The following PPIP5K2 variants were observed in gnomAD, a reference collection of about 807,000 sequenced individuals.
The protein encoded by PPIP5K2 is inositol hexakisphosphate and diphosphoinositol-pentakisphosphate kinase 2.
Under a neutral mutation model 154.6 loss-of-function variants are expected in PPIP5K2, and 105 were observed. That is an observed-to-expected ratio of 0.68 (90% CI 0.58 to 0.80). The LOEUF is 0.80. PPIP5K2 is among the 30% of genes least tolerant of loss of function. PPIP5K2 has a pLI of 0.00. For synonymous variants in PPIP5K2, 480 were observed against 490.3 expected, an observed-to-expected ratio of 0.98 and a Z score of 0.28; for missense variants, 992 against 1,504.6, an observed-to-expected ratio of 0.66 and a Z score of 5.64.
intron 19 of PPIP5K2, among the ~76,000 whole-genome samples, chr5:103,171,082 T>G (rs1425061728): frequency 6.6e-6 from 1 of 151,550 alleles, no homozygotes; most frequent in Non-Finnish European, 1.5e-5. Flanking sequence ...GCTATGTGAA[T>G]TATGTAATTC....
In PPIP5K2 at chr5:103,208,441, C is replaced by G. The variant is rs1197559810; in HGVS notation, c.*6807C>G. 6.6e-6 allele frequency: 1 copy of G among 152,162 alleles called. No homozygotes were observed. Among genetic ancestry groups the G allele is most frequent in the Non-Finnish European group, 1.5e-5 (1 of 68,050 alleles). 9.4% of individuals were successfully genotyped at this position (152,162 alleles called of 1,614,324 possible). A position where few individuals can be genotyped will look rare whatever the true frequency, so the allele number is the denominator to read the frequency against. On this transcript the variant is annotated 3_prime_UTR_variant, in exon 31 of 31. Transcript: ENST00000358359. ...TCCTACCAAGGTGACAGTGAATCTC[C>G]TTATGACAGGATTGTGGGTCTGAGA...
At chr5:103,170,024 C>A (rs1554219121) in intron 19 of PPIP5K2, among the ~76,000 whole-genome samples, 1 of 151,456 alleles carries the variant, frequency 6.6e-6, no homozygotes, top group Non-Finnish European at 1.5e-5. Context: ...TTTAATCTCA[C>A]CCCTCTACTG....
In PPIP5K2 at chr5:103,149,990, C is replaced by T. The variant is rs546181336; in HGVS notation, c.906+677C>T. Among the ~76,000 whole-genome samples the T allele has an allele frequency of 8.5e-5, 13 of 152,112 alleles. No homozygotes were observed. The South Asian group carries it at 1.0e-3, about 12-fold the overall frequency. On this transcript the variant is annotated intron_variant, in intron 8 of 30. Transcript: ENST00000358359. ...AATTACAGGTGTGAGCCACTGCACC[C>T]GGCCAAAACCATTTCTTGAAAAAAA...
intron 1 of PPIP5K2, 52 bp downstream of exon 1, chr5:103,120,540 A>G (rs951764414): frequency 4.4e-6 from 2 of 456,378 alleles, no homozygotes; most frequent in Admixed American, 2.3e-5. Flanking sequence ...TGATCATGCC[A>G]GGGTTGAGGC....
Position 103,129,491 on chromosome 5 carries a change from TC to T in PPIP5K2, c.-98del. Reference sequence around the variant, plus strand: ...AAACAAGCTGTCACAGACCTGTGCGTCAGCTAATATATGGAGAATGCTTTCT... The same window carrying T: ...AAACAAGCTGTCACAGACCTGTGCGTAGCTAATATATGGAGAATGCTTTCT... On this transcript the variant is annotated 5_prime_UTR_variant, in exon 2 of 31. Coordinates refer to ENST00000358359, the MANE Select transcript of PPIP5K2 (RefSeq NM_001276277.3). The T allele has an allele frequency of 1.1e-6, 1 of 939,532 alleles. No homozygotes were observed. Among genetic ancestry groups the T allele is most frequent in the Non-Finnish European group, 1.5e-6 (1 of 665,382 alleles). The allele number at this position is 939,532 out of a possible 1,614,324, so 58.2% of individuals were successfully genotyped here. A position where few individuals can be genotyped will look rare whatever the true frequency, so the allele number is the denominator to read the frequency against.
rs547322770 is a variant in PPIP5K2, at chr5:103,161,694, A to G, written c.1920+2366A>G. 2.0e-5 allele frequency among the ~76,000 whole-genome samples: 3 copies of G among 152,166 alleles called. No homozygotes were observed. The South Asian group carries it at 6.2e-4, about 32-fold the overall frequency. ...GTATCTCATTGTGGTTTTGATTTGCATTTCTCTGATGGCCAGTGATGATGA... is the reference window on the plus strand; with the variant it reads ...GTATCTCATTGTGGTTTTGATTTGCGTTTCTCTGATGGCCAGTGATGATGA... On this transcript the variant is annotated intron_variant, in intron 17 of 30. Coordinates refer to ENST00000358359, the MANE Select transcript of PPIP5K2 (RefSeq NM_001276277.3).
chr5:103,182,092 TATTA>T (rs1215944062), intron 24 of PPIP5K2, among the ~76,000 whole-genome samples: 1 of 152,174 alleles, frequency 6.6e-6, no homozygotes, highest in Non-Finnish European at 1.5e-5. Flanking sequence ...AAATAAGCTA[TATTA>T]ATTAATATAA....
At chr5:103,181,478 G>A (rs1799540011) in intron 24 of PPIP5K2, among the ~76,000 whole-genome samples, 1 of 152,016 alleles carries the variant, frequency 6.6e-6, no homozygotes, top group Non-Finnish European at 1.5e-5. Flanking sequence ...TGAGGCAGGA[G>A]AACCACTTGA....
chr5:103,135,530 C>A (rs1791329311), intron 3 of PPIP5K2, among the ~76,000 whole-genome samples: 1 of 152,216 alleles, frequency 6.6e-6, no homozygotes, highest in South Asian at 2.1e-4. Flanking sequence ...CTCTTGGGCT[C>A]AAGTGATCCT....
intron 5 of PPIP5K2, among the ~76,000 whole-genome samples, chr5:103,141,048 T>A (rs1420145776): frequency 6.6e-6 from 1 of 151,636 alleles, no homozygotes; most frequent in Non-Finnish European, 1.5e-5. Context: ...TAAGAAATCA[T>A]CTGGGCCGGG....
At chr5:103,177,015 A>C in intron 21 of PPIP5K2, 1 of 760,784 alleles carries the variant, frequency 1.3e-6, no homozygotes, top group East Asian at 3.0e-5. Context: ...TACATGAACT[A>C]TATGATGGTG....
At chr5:103,138,989 T>G (rs1554205443) in intron 5 of PPIP5K2, among the ~76,000 whole-genome samples, 1 of 152,242 alleles carries the variant, frequency 6.6e-6, no homozygotes, top group East Asian at 1.9e-4. Context: ...ACATGGATTC[T>G]GCAGAGCCAA....
rs1243114742 is a variant in PPIP5K2, at chr5:103,202,159, G to T, written c.*525G>T. ...TATATGCTGCAATATTTAACAACTG[G>T]AGTATTAGCCACATGGGTTATTTTT... On this transcript the variant is annotated 3_prime_UTR_variant, in exon 31 of 31. Transcript: ENST00000358359. The T allele has an allele frequency of 6.6e-6, 1 of 152,570 alleles. No homozygotes were observed. The highest frequency in any genetic ancestry group is 2.4e-5 in the African/African-American group (1 of 41,432). 9.5% of individuals were successfully genotyped at this position (152,570 alleles called of 1,614,324 possible).
chr5:103,146,743 A>T, intron 6 of PPIP5K2, 62 bp downstream of exon 6: 1 of 1,358,832 alleles, frequency 7.4e-7, no homozygotes, highest in Non-Finnish European at 9.9e-7. Flanking sequence ...TATTATTAAA[A>T]GCAATCAAGC....
chr5:103,179,690 C>G (rs1325460772), intron 23 of PPIP5K2, among the ~76,000 whole-genome samples: 2 of 152,026 alleles, frequency 1.3e-5, no homozygotes, highest in South Asian at 4.1e-4. Flanking sequence ...TCTATTATTT[C>G]TTACTGTCAT....
At chr5:103,182,334 C>G (rs1004907169) in intron 24 of PPIP5K2, among the ~76,000 whole-genome samples, 10 of 152,094 alleles carry the variant, frequency 6.6e-5, no homozygotes, top group Admixed American at 5.2e-4. Flanking sequence ...CTTTAAAACG[C>G]AAAACACATT....
chr5:103,167,375 C>T lies in PPIP5K2; in HGVS notation c.2062+55C>T, dbSNP rs1243707792. 4.4e-6 allele frequency: 6 copies of T among 1,361,884 alleles called. No homozygotes were observed. The African/African-American group carries it at 8.9e-5, about 20-fold the overall frequency. 84.4% of individuals were successfully genotyped at this position (1,361,884 alleles called of 1,614,324 possible). ...AAATAAAAGTTACTATTCAATTAAG[C>T]ATTTAATATATGATGCACCAATCTT... is the stretch of plus-strand genomic sequence containing the variant. On this transcript the variant is annotated intron_variant, in intron 18 of 30. Coordinates refer to ENST00000358359, the MANE Select transcript of PPIP5K2 (RefSeq NM_001276277.3).
At chr5:103,195,784 C>T (rs1408032301) in intron 30 of PPIP5K2, among the ~76,000 whole-genome samples, 1 of 152,078 alleles carries the variant, frequency 6.6e-6, no homozygotes, top group Non-Finnish European at 1.5e-5. Flanking sequence ...TTTCATATAC[C>T]TCCAAGGCTT....
chr5:103,155,873 T>A, intron 13 of PPIP5K2, 36 bp from the exon 14 acceptor site: 1 of 1,340,626 alleles, frequency 7.5e-7, no homozygotes, highest in Non-Finnish European at 1.1e-6. Context: ...AGTTTTTCCC[T>A]ACATGTTCTA....
Sources: gnomAD v4.1 joint callset for allele counts (sites outside exome capture counted in the v4.1 genomes callset) on GRCh38, gnomAD v4.1.1 for gene constraint, MANE v1.5 for transcripts, NCBI Gene and HGNC (gene_info 2026-07-23, HGNC 2026-07-21) for gene names.